The following MACROD2 variants were observed in gnomAD, a reference collection of about 807,000 sequenced individuals.
MACROD2 encodes mono-ADP ribosylhydrolase 2, also known as ADP-ribose glycohydrolase MACROD2.
MACROD2 carries 36 observed loss-of-function variants against 70.4 expected under a neutral mutation model. That is an observed-to-expected ratio of 0.51 (90% confidence interval 0.39 to 0.68). The LOEUF is 0.68. MACROD2 is among the 30% of genes least tolerant of loss of function. The probability of loss-of-function intolerance (pLI) is 0.00; values close to 1 mark genes in which losing one functional copy is unlikely to be tolerated. For synonymous variants in MACROD2, 172 were observed against 178.8 expected, an observed-to-expected ratio of 0.96 and a Z score of 0.30; for missense variants, 496 against 538.4, an observed-to-expected ratio of 0.92 and a Z score of 0.78.
chr20:14,787,220 C>A (rs1408781848), intron 5 of MACROD2, among the ~76,000 whole-genome samples: 1 of 151,992 alleles, frequency 6.6e-6, no homozygotes, highest in African/African-American at 2.4e-5. Context: ...TTTGAAGCTT[C>A]TTCATCAATC....
intron 4 of MACROD2, among the ~76,000 whole-genome samples, chr20:14,545,400 A>C (rs1000697581): frequency 1.3e-5 from 2 of 152,118 alleles, no homozygotes; most frequent in East Asian, 3.9e-4. Flanking sequence ...TGATCTAGTC[A>C]TTACAGCCTA....
At chr20:14,904,202 A>G (rs980467337) in intron 5 of MACROD2, among the ~76,000 whole-genome samples, 2 of 152,180 alleles carry the variant, frequency 1.3e-5, no homozygotes, top group Non-Finnish European at 2.9e-5. Flanking sequence ...TAGAACTAGC[A>G]ACAGTGGAAT....
chr20:15,365,610 G>A (rs1008430618), intron 6 of MACROD2, among the ~76,000 whole-genome samples: 3 of 151,280 alleles, frequency 2.0e-5, no homozygotes, highest in Non-Finnish European at 2.9e-5. Flanking sequence ...GCAGTGAGCC[G>A]AGATCGCACC....
chr20:14,923,944 G>T (rs2074196534), intron 5 of MACROD2, among the ~76,000 whole-genome samples: 1 of 152,122 alleles, frequency 6.6e-6, no homozygotes, highest in Non-Finnish European at 1.5e-5. Flanking sequence ...TCATTAAAAA[G>T]TTAATTTTCC....
chr20:14,486,495 C>A (rs2084732071), intron 3 of MACROD2, among the ~76,000 whole-genome samples: 1 of 144,696 alleles, frequency 6.9e-6, no homozygotes, highest in African/African-American at 2.6e-5. Flanking sequence ...CAGGAGCTAT[C>A]TGGCATAAAA....
intron 2 of MACROD2, among the ~76,000 whole-genome samples, chr20:14,083,861 T>C (rs1380528712): frequency 6.6e-6 from 1 of 151,486 alleles, no homozygotes; most frequent in Non-Finnish European, 1.5e-5. Flanking sequence ...CGGGCAGATC[T>C]TGAGGTCAGG....
intron 2 of MACROD2, among the ~76,000 whole-genome samples, chr20:14,072,813 A>G (rs543320311): frequency 7.9e-5 from 12 of 152,156 alleles, no homozygotes; most frequent in South Asian, 6.2e-4. Flanking sequence ...GGACGCCTAT[A>G]GTCCCATCTA....
intron 5 of MACROD2, among the ~76,000 whole-genome samples, chr20:15,030,203 G>C (rs1470601642): frequency 6.6e-6 from 1 of 152,068 alleles, no homozygotes; most frequent in African/African-American, 2.4e-5. Context: ...AACTGTGGAA[G>C]GTCCCTTTGC....
chr20:14,612,743 C>T (rs1185499087), intron 4 of MACROD2, among the ~76,000 whole-genome samples: 2 of 152,012 alleles, frequency 1.3e-5, no homozygotes, highest in East Asian at 1.9e-4. Flanking sequence ...GTTCTTAAAA[C>T]TCATCTGATT....
intron 3 of MACROD2, among the ~76,000 whole-genome samples, chr20:14,247,455 A>G (rs1443226536): frequency 6.6e-6 from 1 of 152,176 alleles, no homozygotes; most frequent in Non-Finnish European, 1.5e-5. Context: ...ATAAGGAATG[A>G]CTCAAAGTTG....
At chr20:14,748,299 C>T (rs553351633) in intron 5 of MACROD2, among the ~76,000 whole-genome samples, 22 of 152,178 alleles carry the variant, frequency 1.4e-4, no homozygotes, top group Non-Finnish European at 2.9e-4. Context: ...TATTTTTACT[C>T]TCTGTCACAA....
At chr20:14,372,656 TC>T (rs1006397494) in intron 3 of MACROD2, among the ~76,000 whole-genome samples, 24 of 152,130 alleles carry the variant, frequency 1.6e-4, no homozygotes, top group African/African-American at 5.3e-4. Context: ...GCCTTCCATC[TC>T]CCCATTCCTT....
intron 8 of MACROD2, among the ~76,000 whole-genome samples, chr20:15,737,963 G>A (rs2051049204): frequency 6.6e-6 from 1 of 152,026 alleles, no homozygotes. Context: ...CAGGTAGACA[G>A]ACAGGTAAAT....
intron 8 of MACROD2, among the ~76,000 whole-genome samples, chr20:15,540,782 T>C (rs1225212647): frequency 6.6e-6 from 1 of 152,096 alleles, no homozygotes; most frequent in Non-Finnish European, 1.5e-5. Context: ...TTCTCCTGAC[T>C]TCTGGCAGTT....
chr20:14,175,601 A>T (rs1312846958), intron 3 of MACROD2, among the ~76,000 whole-genome samples: 1 of 152,154 alleles, frequency 6.6e-6, no homozygotes, highest in Non-Finnish European at 1.5e-5. Context: ...ATTCCTCTTC[A>T]CCAGTGTCAA....
At chr20:14,701,018 G>A (rs1053928629) in intron 5 of MACROD2, among the ~76,000 whole-genome samples, 2 of 152,088 alleles carry the variant, frequency 1.3e-5, no homozygotes, top group African/African-American at 2.4e-5. Flanking sequence ...TTCTATGAGG[G>A]AATTCCTGTG....
At chr20:15,326,808 A>C (rs901958532) in intron 6 of MACROD2, among the ~76,000 whole-genome samples, 1 of 152,158 alleles carries the variant, frequency 6.6e-6, no homozygotes, top group Non-Finnish European at 1.5e-5. Flanking sequence ...GAAGACATCC[A>C]GGAGCATATG....
intron 3 of MACROD2, among the ~76,000 whole-genome samples, chr20:14,141,740 C>T (rs1290655577): frequency 3.2e-5 from 3 of 92,824 alleles, no homozygotes; most frequent in Non-Finnish European, 6.0e-5. Context: ...AGCAAAACTC[C>T]ATCTCAGAAA....
intron 3 of MACROD2, among the ~76,000 whole-genome samples, chr20:14,286,714 A>G (rs1202510377): frequency 6.6e-6 from 1 of 152,150 alleles, no homozygotes; most frequent in African/African-American, 2.4e-5. Context: ...ACTATCTAAA[A>G]TAGCTCAGGT....
Sources: gnomAD v4.1 joint callset for allele counts (sites outside exome capture counted in the v4.1 genomes callset) on GRCh38, gnomAD v4.1.1 for gene constraint, MANE v1.5 for transcripts, NCBI Gene and HGNC (gene_info 2026-07-23, HGNC 2026-07-21) for gene names.